MDGA2: variants seen among roughly 807,000 people sequenced by gnomAD.
The protein encoded by MDGA2 is MAM domain-containing glycosylphosphatidylinositol anchor protein 2.
Under a neutral mutation model 117.8 loss-of-function variants are expected in MDGA2, and 40 were observed. The observed-to-expected ratio is 0.34, with a 90% confidence interval of 0.26 to 0.44. The LOEUF is 0.44. Among genes scored for constraint, MDGA2 ranks in the 20% least tolerant of loss-of-function variants. The pLI, the probability that MDGA2 is intolerant of heterozygous loss-of-function variation, is 1.00. For missense variants in MDGA2, 1,123 were observed against 1,250.6 expected (o/e 0.90, Z 1.54); for synonymous variants, 452 against 439.0 (o/e 1.03, Z -0.37).
intron 3 of MDGA2, among the ~76,000 whole-genome samples, chr14:47,145,869 T>C (rs1402776891): frequency 2.0e-5 from 3 of 152,186 alleles, no homozygotes; most frequent in Non-Finnish European, 4.4e-5. Context: ...TTTAAACTCC[T>C]ATTGATTCTA....
At chr14:47,584,597 G>T (rs888564729) in intron 1 of MDGA2, among the ~76,000 whole-genome samples, 6 of 151,646 alleles carry the variant, frequency 4.0e-5, no homozygotes, top group Admixed American at 4.0e-4. Flanking sequence ...GAAATTTAGA[G>T]CCTCCTGCCT....
intron 3 of MDGA2, among the ~76,000 whole-genome samples, chr14:47,171,060 A>G (rs957846946): frequency 6.6e-5 from 10 of 152,310 alleles, no homozygotes; most frequent in African/African-American, 2.4e-4. Context: ...GAAAAAGTAA[A>G]GTCATATACT....
At chr14:47,418,668 T>A (rs1163081237) in intron 1 of MDGA2, among the ~76,000 whole-genome samples, 1 of 152,110 alleles carries the variant, frequency 6.6e-6, no homozygotes, top group Non-Finnish European at 1.5e-5. Context: ...GACTCAAACA[T>A]CCAGACCATA....
intron 1 of MDGA2, among the ~76,000 whole-genome samples, chr14:47,465,912 G>C (rs1441429505): frequency 1.3e-5 from 2 of 152,190 alleles, no homozygotes; most frequent in African/African-American, 4.8e-5. Context: ...CACAATAGCA[G>C]ACATGGAATC....
intron 8 of MDGA2, among the ~76,000 whole-genome samples, chr14:46,972,618 G>A (rs1476938234): frequency 6.6e-6 from 1 of 152,002 alleles, no homozygotes; most frequent in Non-Finnish European, 1.5e-5. Flanking sequence ...CAGATAACAG[G>A]TTTAGATCCA....
At chr14:46,849,832 G>A (rs1409618692) in intron 15 of MDGA2, among the ~76,000 whole-genome samples, 1 of 151,512 alleles carries the variant, frequency 6.6e-6, no homozygotes, top group Non-Finnish European at 1.5e-5. Context: ...TTACATTACA[G>A]AGATAAAACC....
chr14:47,498,136 G>A (rs1332172027), intron 1 of MDGA2, among the ~76,000 whole-genome samples: 1 of 152,178 alleles, frequency 6.6e-6, no homozygotes, highest in African/African-American at 2.4e-5. Context: ...GAGGCAGAAA[G>A]CAAACAGCAG....
At chr14:46,956,142 T>G (rs1885554486) in intron 9 of MDGA2, among the ~76,000 whole-genome samples, 1 of 152,134 alleles carries the variant, frequency 6.6e-6, no homozygotes, top group South Asian at 2.1e-4. Context: ...AAATTACCAC[T>G]TAGAATTTAT....
intron 8 of MDGA2, chr14:46,996,519 G>A (rs1887298908): frequency 6.6e-6 from 1 of 152,240 alleles, no homozygotes; most frequent in Admixed American, 6.6e-5. Flanking sequence ...CCCAAGCCCA[G>A]AACATTGTAC....
At chr14:47,262,890 A>G (rs1246469880) in intron 2 of MDGA2, among the ~76,000 whole-genome samples, 2 of 152,192 alleles carry the variant, frequency 1.3e-5, no homozygotes, top group African/African-American at 4.8e-5. Context: ...TGTCATAGCC[A>G]AAGAATGATA....
intron 1 of MDGA2, among the ~76,000 whole-genome samples, chr14:47,349,523 G>A (rs1290263873): frequency 1.3e-5 from 2 of 152,128 alleles, no homozygotes; most frequent in Non-Finnish European, 2.9e-5. Flanking sequence ...AATTATATGT[G>A]ACTTTTCAAA....
chr14:47,177,130 G>A (rs61995377), intron 3 of MDGA2, among the ~76,000 whole-genome samples: 3 of 152,082 alleles, frequency 2.0e-5, no homozygotes, highest in East Asian at 1.9e-4. Context: ...TAGAATGGCA[G>A]TCATTAAAAG....
At chr14:47,150,573 T>G (rs1273051267) in intron 3 of MDGA2, among the ~76,000 whole-genome samples, 2 of 152,124 alleles carry the variant, frequency 1.3e-5, no homozygotes, top group Non-Finnish European at 2.9e-5. Flanking sequence ...CTTTCCTCAA[T>G]ACCTATCCTT....
intron 10 of MDGA2, among the ~76,000 whole-genome samples, chr14:46,918,293 A>G (rs1185141730): frequency 1.3e-5 from 2 of 152,210 alleles, no homozygotes; most frequent in Non-Finnish European, 2.9e-5. Context: ...AAAAAAATGA[A>G]TATGAATGAT....
At chr14:47,472,487 A>T (rs370942556) in intron 1 of MDGA2, among the ~76,000 whole-genome samples, 27 of 152,308 alleles carry the variant, frequency 1.8e-4, no homozygotes, top group African/African-American at 6.3e-4. Context: ...ATACTAAAAT[A>T]CTGTATTCTA....
intron 3 of MDGA2, among the ~76,000 whole-genome samples, chr14:47,153,560 T>C (rs1482514616): frequency 6.6e-6 from 1 of 151,832 alleles, no homozygotes; most frequent in African/African-American, 2.4e-5. Context: ...CCAAAATAAG[T>C]CTGGGCTACA....
At chr14:47,327,488 A>G (rs541928695) in intron 1 of MDGA2, among the ~76,000 whole-genome samples, 1 of 152,296 alleles carries the variant, frequency 6.6e-6, no homozygotes, top group African/African-American at 2.4e-5. Context: ...CCACTGCCTT[A>G]TTGCAAGGAT....
chr14:47,477,642 T>C (rs770500601), intron 1 of MDGA2, among the ~76,000 whole-genome samples: 1 of 152,238 alleles, frequency 6.6e-6, no homozygotes, highest in Non-Finnish European at 1.5e-5. Flanking sequence ...CCAAATTATA[T>C]GTAATATTTG....
chr14:47,241,440 A>T (rs1887037211), intron 2 of MDGA2, among the ~76,000 whole-genome samples: 1 of 151,822 alleles, frequency 6.6e-6, no homozygotes, highest in Admixed American at 6.6e-5. Context: ...CAATTCCTTC[A>T]CAGGATAGAA....
Sources: allele counts gnomAD v4.1 joint callset (sites outside exome capture counted in the v4.1 genomes callset), GRCh38; gene constraint gnomAD v4.1.1; transcripts MANE v1.5; gene names NCBI Gene and HGNC (gene_info 2026-07-23, HGNC 2026-07-21).